Variants in FBLN5 observed in about 807,000 individuals in gnomAD.
FBLN5 encodes fibulin-5.
A neutral mutation model predicts 61.6 loss-of-function variants in FBLN5; 24 were observed. The observed-to-expected ratio is 0.39, with a 90% CI of 0.28 to 0.55. The LOEUF is 0.55. Ranked by LOEUF, FBLN5 falls within the 20% of genes least tolerant of loss-of-function variation. FBLN5 has a pLI of 0.65. For synonymous variants in FBLN5, 213 were observed against 219.8 expected, an observed-to-expected ratio of 0.97 and a Z score of 0.27; for missense variants, 470 against 594.1, an observed-to-expected ratio of 0.79 and a Z score of 2.17.
At chr14:91,878,954 C>G (rs1889295503) in intron 9 of FBLN5, among the ~76,000 whole-genome samples, 2 of 152,182 alleles carry the variant, frequency 1.3e-5, no homozygotes, top group African/African-American at 4.8e-5. Context: ...CTGGCACACA[C>G]CCATAGTCCT....
At chr14:91,935,112 C>T (rs2055991087) in intron 4 of FBLN5, among the ~76,000 whole-genome samples, 1 of 152,334 alleles carries the variant, frequency 6.6e-6, no homozygotes, top group Admixed American at 6.5e-5. Context: ...ATTGTATTCT[C>T]CTTACAAAAG....
intron 4 of FBLN5, among the ~76,000 whole-genome samples, chr14:91,896,366 C>A (rs1174794902): frequency 1.3e-5 from 2 of 152,208 alleles, no homozygotes; most frequent in African/African-American, 2.4e-5. Context: ...CCTTCACCTG[C>A]ACCTTGGTGG....
chr14:91,872,150 C>A (rs190261585), intron 10 of FBLN5, among the ~76,000 whole-genome samples: 8 of 152,278 alleles, frequency 5.3e-5, no homozygotes, highest in Admixed American at 2.0e-4. Flanking sequence ...TATAAGTAAG[C>A]AAACTGAGGT....
intron 4 of FBLN5, among the ~76,000 whole-genome samples, chr14:91,905,505 G>A (rs1890646004): frequency 6.6e-6 from 1 of 151,950 alleles, no homozygotes; most frequent in South Asian, 2.1e-4. Flanking sequence ...CCTAGGACAA[G>A]GTGCAGAAGT....
intron 10 of FBLN5, chr14:91,873,839 G>A (rs1889049253): frequency 6.6e-6 from 1 of 152,272 alleles, no homozygotes; most frequent in South Asian, 2.1e-4. Context: ...CTGACCTGTG[G>A]CAAGCAGCCA....
chr14:91,931,019 A>T (rs2055913215), intron 4 of FBLN5, among the ~76,000 whole-genome samples: 1 of 152,230 alleles, frequency 6.6e-6, no homozygotes, highest in South Asian at 2.1e-4. Flanking sequence ...GTTAACGTTT[A>T]CTATGGGATA....
At chr14:91,874,818 CTTT>C (rs1889093374) in intron 10 of FBLN5, 2 of 152,372 alleles carry the variant, frequency 1.3e-5, no homozygotes, top group African/African-American at 4.8e-5. Context: ...TACATACATA[CTTT>C]TTTGTTTGTT....
At chr14:91,934,333 G>A (rs954524722) in intron 4 of FBLN5, among the ~76,000 whole-genome samples, 16 of 152,106 alleles carry the variant, frequency 1.1e-4, no homozygotes, top group African/African-American at 2.2e-4. Flanking sequence ...ATCATGGCTC[G>A]GCCCCTCACT....
rs1163995194 is a variant in FBLN5, at chr14:91,917,891, C to T, written c.379+19056G>A. The stretch of plus-strand genomic sequence containing the variant: ...TGCAGAGCACGCCAGTCTAAAGTTG[C>T]CCTTCTTAACCTTTTTCATGTTGAG... On this transcript the variant is annotated intron_variant, in intron 4 of 10. Transcript: ENST00000342058. Among the ~76,000 whole-genome samples the T allele has an allele frequency of 3.9e-5, 6 of 152,236 alleles. No homozygotes were observed. In the South Asian group the frequency reaches 1.2e-3, roughly 32 times the overall value.
intron 4 of FBLN5, among the ~76,000 whole-genome samples, chr14:91,901,841 C>CAAAT (rs1890464822): frequency 6.6e-6 from 1 of 152,204 alleles, no homozygotes; most frequent in South Asian, 2.1e-4. Flanking sequence ...GATTAGGCAA[C>CAAAT]AAATATGTGA....
rs1000798088 is a variant in FBLN5 at position 91,896,108 on chromosome 14, C to T, written c.380-1036G>A. 8.5e-5 allele frequency among the ~76,000 whole-genome samples: 13 copies of T among 152,168 alleles called. 1 individual carries two copies. Among genetic ancestry groups the T allele is most frequent in the Non-Finnish European group, 1.9e-4 (13 of 68,032 alleles). ...TCATTCCCAAGCCATCTGGTGTGGA[C>T]AGTCAGTGCTCAAAACTGTTTGTTG... On this transcript the variant is annotated intron_variant, in intron 4 of 10. Transcript: ENST00000342058.
chr14:91,889,711 A>C (rs527317338), intron 6 of FBLN5, among the ~76,000 whole-genome samples: 27 of 152,328 alleles, frequency 1.8e-4, no homozygotes, highest in African/African-American at 6.3e-4. Flanking sequence ...AGCTCACCGG[A>C]GTATGCGACG....
At chr14:91,904,767 A>G (rs1469728101) in intron 4 of FBLN5, among the ~76,000 whole-genome samples, 1 of 152,200 alleles carries the variant, frequency 6.6e-6, no homozygotes, top group African/African-American at 2.4e-5. Flanking sequence ...CAAAGGACCC[A>G]CCTTGTAATA....
chr14:91,913,493 C>CA (rs1303720522), intron 4 of FBLN5, among the ~76,000 whole-genome samples: 1 of 152,222 alleles, frequency 6.6e-6, no homozygotes, highest in South Asian at 2.1e-4. Flanking sequence ...CTCACCCACT[C>CA]AGTGCCTGTT....
chr14:91,872,306 T>A (rs1351997826), intron 10 of FBLN5, among the ~76,000 whole-genome samples: 1 of 152,178 alleles, frequency 6.6e-6, no homozygotes, highest in Non-Finnish European at 1.5e-5. Context: ...GTTTCACTTC[T>A]TCCTAGCACC....
chr14:91,927,288 A>G (rs533782388), intron 4 of FBLN5, among the ~76,000 whole-genome samples: 8 of 152,304 alleles, frequency 5.3e-5, no homozygotes, highest in African/African-American at 1.9e-4. Context: ...TAACATAAAC[A>G]TCTCCCAAAT....
intron 2 of FBLN5, among the ~76,000 whole-genome samples, chr14:91,941,107 A>T (rs1462271370): frequency 6.6e-6 from 1 of 152,218 alleles, no homozygotes; most frequent in East Asian, 1.9e-4. Flanking sequence ...GGAATGAATA[A>T]GACTGCTTTT....
At chr14:91,926,984 G>A (rs2055840721) in intron 4 of FBLN5, among the ~76,000 whole-genome samples, 1 of 152,172 alleles carries the variant, frequency 6.6e-6, no homozygotes, top group Admixed American at 6.5e-5. Flanking sequence ...CCACGTCTGT[G>A]TGAATCTAAG....
intron 5 of FBLN5, among the ~76,000 whole-genome samples, chr14:91,893,597 G>A (rs1890086648): frequency 6.6e-6 from 1 of 152,202 alleles, no homozygotes; most frequent in Admixed American, 6.5e-5. Flanking sequence ...AACTGGCAGG[G>A]CCTTTTCTAG....
Sources: gnomAD v4.1 joint callset for allele counts (sites outside exome capture counted in the v4.1 genomes callset) on GRCh38, gnomAD v4.1.1 for gene constraint, MANE v1.5 for transcripts, NCBI Gene and HGNC (gene_info 2026-07-23, HGNC 2026-07-21) for gene names.